Variants in COG4 observed in about 807,000 individuals in gnomAD.
COG4 encodes component of oligomeric golgi complex 4.
In COG4, 65 loss-of-function variants were observed where a neutral mutation model predicts 95.1. The ratio of observed to expected loss-of-function variants is 0.68; its 90% CI spans 0.56 to 0.84. The LOEUF is 0.84. Ranked by LOEUF, COG4 falls within the 40% of genes least tolerant of loss-of-function variation. The pLI is 0.00. For synonymous variants in COG4, 421 were observed against 374.8 expected (o/e 1.12, Z -1.42); for missense variants, 1,045 against 989.1 (o/e 1.06, Z -0.76).
intron 3 of COG4, 151 bp from the exon 4 acceptor site, chr16:70,514,660 G>C: frequency 8.5e-6 from 6 of 705,408 alleles, no homozygotes; most frequent in South Asian, 6.1e-5. Context: ...AACTGTTATT[G>C]ATGATGATCA....
intron 4 of COG4, 76 bp downstream of exon 4, chr16:70,514,259 T>C: frequency 7.3e-7 from 1 of 1,369,776 alleles, no homozygotes; most frequent in Non-Finnish European, 1.0e-6. Flanking sequence ...TGATGTGTTT[T>C]TATTGGTCGA....
At chr16:70,486,987 C>A (rs2049150318) in intron 13 of COG4, among the ~76,000 whole-genome samples, 1 of 134,864 alleles carries the variant, frequency 7.4e-6, no homozygotes. Flanking sequence ...AAGAGCGAAA[C>A]TTCATCTCAA....
At chr16:70,486,088 G>A (rs567121093) in intron 13 of COG4, among the ~76,000 whole-genome samples, 1 of 150,770 alleles carries the variant, frequency 6.6e-6, no homozygotes, top group Admixed American at 6.6e-5. Context: ...GTAGAGATGG[G>A]GTTTCACCGT....
chr16:70,509,186 C>T (rs746260158), intron 7 of COG4, 45 bp downstream of exon 7: 7 of 1,612,254 alleles, frequency 4.3e-6, no homozygotes, highest in Non-Finnish European at 3.4e-6. Context: ...CAGTGTTCCT[C>T]GCTAAAGCTG....
At chr16:70,506,739 T>C (rs2049586144) in intron 8 of COG4, among the ~76,000 whole-genome samples, 1 of 150,406 alleles carries the variant, frequency 6.6e-6, no homozygotes, top group South Asian at 2.1e-4. Flanking sequence ...TGTGCTGTGA[T>C]TGTGTCACTG....
At chr16:70,503,733 T>C (rs1172699858) in intron 8 of COG4, among the ~76,000 whole-genome samples, 3 of 138,712 alleles carry the variant, frequency 2.2e-5, no homozygotes, top group Non-Finnish European at 4.4e-5. Flanking sequence ...TAGCTGGGAC[T>C]ACAGGCGCCC....
Position 70,481,851 on chromosome 16 carries a change from C to A in COG4, c.2019G>T (p.Pro673=), listed in dbSNP as rs140971621. The A allele has an allele frequency of 6.2e-7, 1 of 1,613,660 alleles. No individual in the cohort carries two copies. Among genetic ancestry groups the A allele is most frequent in the Non-Finnish European group, 8.5e-7 (1 of 1,179,856 alleles). Residue 673 remains proline (P), a synonymous_variant, in exon 17 of 19, where the codon CCG becomes CCT. Coordinates refer to ENST00000323786, the MANE Select transcript of COG4 (RefSeq NM_015386.3). ...GGCCGGTTAGGCTGTCGTAGATGAC[C>A]GGGGACAGGCTGGCCTGCACACAGA... ...QMAEFKASLS[P]VIYDSLTGLM...
chr16:70,481,638 C>A, intron 17 of COG4, 126 bp downstream of exon 17: 1 of 1,384,728 alleles, frequency 7.2e-7, no homozygotes, highest in Non-Finnish European at 1.0e-6. Flanking sequence ...CAGAGCAGGA[C>A]TGGACCCAGA....
chr16:70,518,032 G>A (rs1262587636), intron 2 of COG4, among the ~76,000 whole-genome samples: 2 of 151,972 alleles, frequency 1.3e-5, no homozygotes, highest in Admixed American at 6.6e-5. Flanking sequence ...CCGGGTTCAA[G>A]CGATTCTCCT....
chr16:70,500,890 G>T (rs2049435069), intron 9 of COG4, 68 bp downstream of exon 9: 31 of 1,577,236 alleles, frequency 2.0e-5, no homozygotes, highest in Non-Finnish European at 2.7e-5. Flanking sequence ...GAGATTTGTG[G>T]CTTAACTATT....
At position 70,514,528 on chromosome 16, in the gene COG4, C is replaced by T. The variant is rs369633159; in HGVS notation, c.370-19G>A. The stretch of plus-strand genomic sequence containing the variant: ...GGCGGTTCTGCAAAAAGATTTGGTA[C>T]TTACAAACAATGTCCTATTCTTTCA... On this transcript the variant is annotated intron_variant, in intron 3 of 18. Coordinates refer to ENST00000323786, the MANE Select transcript of COG4 (RefSeq NM_015386.3). 9.7e-5 allele frequency: 156 copies of T among 1,612,046 alleles called. 1 individual carries two copies. The African/African-American group carries it at 1.9e-3, about 20-fold the overall frequency.
intron 15 of COG4, 49 bp from the exon 16 acceptor site, chr16:70,482,224 C>T: frequency 9.1e-7 from 1 of 1,098,632 alleles, no homozygotes; most frequent in South Asian, 1.2e-5. Flanking sequence ...TAAGAAGTAC[C>T]ATTCATTGCC....
rs773369273 is a variant in COG4, at chr16:70,497,920, T to A, written c.1314+17A>T. ...GACCGGAAGCCCCATTTCCAAGAGA[T>A]GCGTCCTATGTCCTACCTTATTGAC... On this transcript the variant is annotated intron_variant, in intron 10 of 18. Coordinates refer to ENST00000323786, the MANE Select transcript of COG4 (RefSeq NM_015386.3). 7.0e-7 allele frequency: 1 copy of A among 1,419,344 alleles called. No individual in the cohort carries two copies. The highest frequency in any genetic ancestry group is 2.3e-5 in the East Asian group (1 of 43,874). The allele number at this position is 1,419,344 out of a possible 1,614,324, so 87.9% of individuals were successfully genotyped here. A position where few individuals can be genotyped will look rare whatever the true frequency, so the allele number is the denominator to read the frequency against.
At chr16:70,522,790 T>A in intron 1 of COG4, among the ~76,000 whole-genome samples, 1 of 152,142 alleles carries the variant, frequency 6.6e-6, no homozygotes, top group East Asian at 1.9e-4. Context: ...CACCCCTCAT[T>A]TGATAAAATA....
chr16:70,490,257 A>G, intron 13 of COG4, 73 bp downstream of exon 13: 2 of 1,210,112 alleles, frequency 1.7e-6, no homozygotes, highest in Non-Finnish European at 2.5e-6. Context: ...CTTCACCATG[A>G]TGTTTGTATA....
At chr16:70,516,187 G>C (rs2049819067) in intron 3 of COG4, 1 of 376,568 alleles carries the variant, frequency 2.7e-6, no homozygotes, top group Non-Finnish European at 5.2e-6. Context: ...ACTTTTAATT[G>C]ATTTTCAGAT....
intron 4 of COG4, among the ~76,000 whole-genome samples, chr16:70,513,624 C>T (rs1312542679): frequency 2.0e-5 from 3 of 152,070 alleles, no homozygotes; most frequent in Non-Finnish European, 4.4e-5. Flanking sequence ...GCAAATGTGG[C>T]CTCTCTCTTA....
chr16:70,486,889 G>A (rs2049147412), intron 13 of COG4, among the ~76,000 whole-genome samples: 1 of 152,100 alleles, frequency 6.6e-6, no homozygotes, highest in Non-Finnish European at 1.5e-5. Flanking sequence ...TCAGCTACTT[G>A]GGAGCTGAGG....
chr16:70,486,693 A>C (rs2049142880), intron 13 of COG4, among the ~76,000 whole-genome samples: 2 of 152,268 alleles, frequency 1.3e-5, no homozygotes, highest in South Asian at 4.2e-4. Flanking sequence ...CTAAAGTGCC[A>C]TGACTTACAA....
Sources: gnomAD v4.1 joint callset for allele counts (sites outside exome capture counted in the v4.1 genomes callset) on GRCh38, gnomAD v4.1.1 for gene constraint, MANE v1.5 for transcripts, NCBI Gene and HGNC (gene_info 2026-07-23, HGNC 2026-07-21) for gene names.